The following CYP20A1 variants were observed in gnomAD, a reference collection of about 807,000 sequenced individuals.
CYP20A1 encodes cytochrome P450 family 20 subfamily A member 1.
Under a neutral mutation model 61.4 loss-of-function variants are expected in CYP20A1, and 61 were observed. The ratio of observed to expected loss-of-function variants is 0.99; its 90% CI spans 0.81 to 1.23. The LOEUF (loss-of-function observed/expected upper bound fraction) is 1.23, where lower values mean the gene tolerates loss of function less well. Among genes scored for constraint, CYP20A1 ranks in the 50% most tolerant of loss-of-function variants. The probability of loss-of-function intolerance (pLI) is 0.00; values close to 1 mark genes in which losing one functional copy is unlikely to be tolerated. For missense variants in CYP20A1, 530 were observed against 542.4 expected (o/e 0.98, Z 0.23); for synonymous variants, 193 against 188.2 (o/e 1.03, Z -0.21).
chr2:203,281,650 A>AAAACCTC (rs1389979304), intron 8 of CYP20A1, among the ~76,000 whole-genome samples: 6 of 152,014 alleles, frequency 3.9e-5, no homozygotes, highest in Non-Finnish European at 8.8e-5. Context: ...AAAATACAAA[A>AAAACCTC]ATTAGCCAAG....
intron 5 of CYP20A1, among the ~76,000 whole-genome samples, chr2:203,271,908 C>T (rs1189736483): frequency 6.6e-6 from 1 of 152,096 alleles, no homozygotes; most frequent in Non-Finnish European, 1.5e-5. Context: ...CACCTGTAAT[C>T]CCATCTACTC....
chr2:203,304,989 G>C lies in CYP20A1; in HGVS notation c.*8081G>C, dbSNP rs2069162309. On this transcript the variant is annotated 3_prime_UTR_variant, in exon 13 of 13. Coordinates refer to ENST00000356079, the MANE Select transcript of CYP20A1 (RefSeq NM_177538.3). ...CCTTTATTACTTCATTTTTGTAAGA[G>C]CTTCAGGGAATAGGCTTTTTTAAAG... Among the ~76,000 whole-genome samples, 1 of 152,040 alleles carries C rather than the reference G, an allele frequency of 6.6e-6. No individual in the cohort carries two copies. Among genetic ancestry groups the C allele is most frequent in the African/African-American group, 2.4e-5 (1 of 41,386 alleles).
intron 4 of CYP20A1, among the ~76,000 whole-genome samples, chr2:203,266,284 G>A (rs1425770530): frequency 1.3e-5 from 2 of 152,116 alleles, no homozygotes. Context: ...TTATTGTCGT[G>A]ATAGTGGTTC....
chr2:203,295,874 G>A (rs2068771065), intron 11 of CYP20A1, among the ~76,000 whole-genome samples: 1 of 152,086 alleles, frequency 6.6e-6, no homozygotes, highest in Admixed American at 6.6e-5. Context: ...GCTTGAACCT[G>A]GGATGTGGTG....
chr2:203,263,096 C>G (rs1046020737), intron 4 of CYP20A1, among the ~76,000 whole-genome samples: 10 of 151,774 alleles, frequency 6.6e-5, no homozygotes, highest in African/African-American at 1.2e-4. Flanking sequence ...TCAAGCAGTT[C>G]TCCTGCCTCA....
Position 203,296,960 on chromosome 2 carries a change from T to TA in CYP20A1, c.*60dup, listed in dbSNP as rs747200302. ...AAATTGATTGAGGAAAACAACCATT[T>TA]AAAAAAAATCTATGTTGAATCCTTT... is the stretch of plus-strand genomic sequence containing the variant. On this transcript the variant is annotated 3_prime_UTR_variant, in exon 13 of 13. Coordinates refer to ENST00000356079, the MANE Select transcript of CYP20A1 (RefSeq NM_177538.3). 6.0e-5 allele frequency: 66 copies of TA among 1,099,222 alleles called. No homozygotes were observed. Among genetic ancestry groups the TA allele is most frequent in the East Asian group, 3.8e-4 (14 of 37,328 alleles). 68.1% of individuals were successfully genotyped at this position (1,099,222 alleles called of 1,614,324 possible). A position where few individuals can be genotyped will look rare whatever the true frequency, so the allele number is the denominator to read the frequency against.
chr2:203,248,249 C>T (rs569842929), intron 3 of CYP20A1, among the ~76,000 whole-genome samples: 8 of 152,070 alleles, frequency 5.3e-5, no homozygotes, highest in Middle Eastern at 6.8e-3. Flanking sequence ...AAAAGAATCT[C>T]CTGGCCGGGC....
In CYP20A1 at chr2:203,266,748, C is replaced by T. The variant is rs571943960; in HGVS notation, c.600+67C>T. 3.3e-5 allele frequency: 46 copies of T among 1,380,056 alleles called. 1 individual carries two copies. The South Asian group carries it at 5.3e-4, about 16-fold the overall frequency. 85.5% of individuals were successfully genotyped at this position (1,380,056 alleles called of 1,614,324 possible). The stretch of plus-strand genomic sequence containing the variant: ...GCACGGCAGCTCACACCTGTAATCC[C>T]AGCACTTTGGGAGGCTGCAGTCAGG... On this transcript the variant is annotated intron_variant, in intron 5 of 12. Coordinates refer to ENST00000356079, the MANE Select transcript of CYP20A1 (RefSeq NM_177538.3).
In CYP20A1 at chr2:203,239,141, G is replaced by C; in HGVS notation, c.72+7G>C. 1 of 1,611,590 alleles carries C rather than the reference G, an allele frequency of 6.2e-7. No individual in the cohort carries two copies. The highest frequency in any genetic ancestry group is 8.5e-7 in the Non-Finnish European group (1 of 1,178,734). On this transcript the variant is annotated splice_region_variant and intron_variant, in intron 1 of 12. Coordinates refer to ENST00000356079, the MANE Select transcript of CYP20A1 (RefSeq NM_177538.3). The stretch of plus-strand genomic sequence containing the variant: ...CGTGCTCTACCTCTATCCGGTGAGC[G>C]CCGTCTTGGCTCTCTGGGGCCCCGG...
At chr2:203,275,096 A>T (rs1017002247) in intron 6 of CYP20A1, among the ~76,000 whole-genome samples, 1 of 152,228 alleles carries the variant, frequency 6.6e-6, no homozygotes, top group African/African-American at 2.4e-5. Flanking sequence ...AACTTAAAGC[A>T]CAAAACCTGA....
intron 9 of CYP20A1, 83 bp downstream of exon 9, chr2:203,285,815 G>C (rs2068242589): frequency 1.6e-6 from 2 of 1,236,238 alleles, no homozygotes; most frequent in East Asian, 5.2e-5. Context: ...TTGCTATCTA[G>C]GAAAGCTACA....
chr2:203,276,187 A>G (rs2067812983), intron 6 of CYP20A1, among the ~76,000 whole-genome samples: 1 of 152,220 alleles, frequency 6.6e-6, no homozygotes, highest in Non-Finnish European at 1.5e-5. Context: ...TATTTGAAGT[A>G]CAACAGGAAG....
chr2:203,247,195 A>C (rs1366130634), intron 3 of CYP20A1, among the ~76,000 whole-genome samples: 1 of 152,132 alleles, frequency 6.6e-6, no homozygotes, highest in Non-Finnish European at 1.5e-5. Flanking sequence ...CCGGGGGCGG[A>C]GGCTGCAGTG....
intron 10 of CYP20A1, among the ~76,000 whole-genome samples, chr2:203,291,795 A>G (rs2068546493): frequency 6.6e-6 from 1 of 152,108 alleles, no homozygotes; most frequent in Non-Finnish European, 1.5e-5. Flanking sequence ...GACATTTAAC[A>G]TTAGGTATAT....
chr2:203,268,559 A>T (rs538106504), intron 5 of CYP20A1, among the ~76,000 whole-genome samples: 1 of 151,782 alleles, frequency 6.6e-6, no homozygotes, highest in East Asian at 1.9e-4. Flanking sequence ...AACTTTTCAG[A>T]CTATAAACAG....
chr2:203,246,101 G>C (rs2066452036), intron 2 of CYP20A1, among the ~76,000 whole-genome samples: 1 of 151,976 alleles, frequency 6.6e-6, no homozygotes. Context: ...GCCAGACCCT[G>C]TTTCTAAAAA....
In CYP20A1 at chr2:203,252,094, T is replaced by C; in HGVS notation, c.417T>C (p.Phe139=). 1.2e-6 allele frequency: 2 copies of C among 1,607,858 alleles called. No homozygotes were observed. The highest frequency in any genetic ancestry group is 2.7e-5 in the African/African-American group (2 of 74,834). ...TGACTGATTCTCTGAAGAGTAACTT[T>C]GCCCTCCTCCTAAAGGTAAGGTGAT... ...NGVTDSLKSN[F]ALLLKLSEEL... The change falls in exon 4 of 13, where the codon TTT becomes TTC. Residue 139 remains phenylalanine (F), a synonymous_variant. Transcript: ENST00000356079.
intron 4 of CYP20A1, among the ~76,000 whole-genome samples, chr2:203,252,518 C>T (rs1282503579): frequency 6.6e-6 from 1 of 152,010 alleles, no homozygotes. Context: ...CCTCAGCCTC[C>T]CTAGTAGCTG....
chr2:203,277,337 C>T (rs150956778), intron 6 of CYP20A1, among the ~76,000 whole-genome samples: 2,583 of 122,658 alleles, frequency 0.021, 76 homozygotes, highest in South Asian at 0.11. Flanking sequence ...GACAGAGGAA[C>T]ACTCTGTCTC....
Sources: allele counts gnomAD v4.1 joint callset (sites outside exome capture counted in the v4.1 genomes callset), GRCh38; gene constraint gnomAD v4.1.1; transcripts MANE v1.5; gene names NCBI Gene and HGNC (gene_info 2026-07-23, HGNC 2026-07-21).